SUPT3H: variants seen among roughly 807,000 people sequenced by gnomAD.
The protein encoded by SUPT3H is transcription initiation protein SPT3 homolog.
Under a neutral mutation model 44.3 loss-of-function variants are expected in SUPT3H, and 44 were observed. The ratio of observed to expected loss-of-function variants is 0.99; its 90% CI spans 0.78 to 1.28. The LOEUF (loss-of-function observed/expected upper bound fraction) is 1.28. SUPT3H is among the 50% of genes most tolerant of loss of function. SUPT3H has a pLI of 0.00. For missense variants in SUPT3H, 380 were observed against 387.1 expected (o/e 0.98, Z 0.15); for synonymous variants, 124 against 125.6 (o/e 0.99, Z 0.09).
chr6:45,208,723 CA>C (rs34279438), intron 2 of SUPT3H, among the ~76,000 whole-genome samples: 52,034 of 96,456 alleles, frequency 0.54, 11,018 homozygotes, highest in South Asian at 0.59. Context: ...GACTCTGTCT[CA>C]AAAAAAAAAA....
chr6:44,881,764 A>G (rs776634385), intron 10 of SUPT3H, among the ~76,000 whole-genome samples: 23 of 152,340 alleles, frequency 1.5e-4, no homozygotes, highest in Non-Finnish European at 2.9e-4. Context: ...TAGAAACTGA[A>G]CAACCTGCTC....
intron 2 of SUPT3H, among the ~76,000 whole-genome samples, chr6:45,352,561 A>G (rs569773591): frequency 2.0e-5 from 3 of 152,304 alleles, no homozygotes; most frequent in African/African-American, 7.2e-5. Flanking sequence ...AAACAAAATT[A>G]CAGATTGGGA....
intron 3 of SUPT3H, among the ~76,000 whole-genome samples, chr6:45,103,678 G>T (rs1295753979): frequency 6.6e-6 from 1 of 152,064 alleles, no homozygotes; most frequent in East Asian, 1.9e-4. Flanking sequence ...TAAAGGCCCT[G>T]AAAGTCTTGT....
At chr6:45,074,877 T>G (rs997335579) in intron 3 of SUPT3H, among the ~76,000 whole-genome samples, 1 of 152,060 alleles carries the variant, frequency 6.6e-6, no homozygotes, top group African/African-American at 2.4e-5. Context: ...TTAAGAAAGG[T>G]GTTAATATAA....
intron 2 of SUPT3H, among the ~76,000 whole-genome samples, chr6:45,175,720 A>C (rs1811662806): frequency 6.6e-6 from 1 of 151,748 alleles, no homozygotes; most frequent in Non-Finnish European, 1.5e-5. Flanking sequence ...ATTAAAAAAA[A>C]ATGGTAATTT....
chr6:45,325,790 CTG>C (rs1786249880), intron 2 of SUPT3H, among the ~76,000 whole-genome samples: 1 of 151,860 alleles, frequency 6.6e-6, no homozygotes, highest in Admixed American at 6.6e-5. Context: ...ATGAAACACA[CTG>C]TTATCAAATG....
chr6:45,029,640 T>C (rs962019123), intron 3 of SUPT3H, among the ~76,000 whole-genome samples: 13 of 152,144 alleles, frequency 8.5e-5, no homozygotes, highest in African/African-American at 3.1e-4. Context: ...CAACTCTAAA[T>C]ATATCTAAGT....
At chr6:44,861,395 G>GTT (rs201665366) in intron 10 of SUPT3H, among the ~76,000 whole-genome samples, 6 of 63,468 alleles carry the variant, frequency 9.5e-5, no homozygotes, top group South Asian at 5.5e-4. Flanking sequence ...TTTTCTTTTT[G>GTT]TTTTTTTTTG....
chr6:44,920,129 C>A (rs1461004923), intron 10 of SUPT3H, among the ~76,000 whole-genome samples: 2 of 152,158 alleles, frequency 1.3e-5, no homozygotes, highest in African/African-American at 2.4e-5. Flanking sequence ...CCACCCACCT[C>A]GGCCTCCCAA....
chr6:45,081,271 C>T (rs1486415701), intron 3 of SUPT3H, among the ~76,000 whole-genome samples: 2 of 151,994 alleles, frequency 1.3e-5, no homozygotes, highest in Non-Finnish European at 2.9e-5. Flanking sequence ...TCCAGAAATA[C>T]TGATATTTCT....
rs543575073 is a variant in SUPT3H, at chr6:45,153,556, T to C, written c.102-47550A>G. ...AAATTAAATGAAAAATGTGCATATT[T>C]GTGTTAACAAAGATAGGTCAAAAGA... On this transcript the variant is annotated intron_variant, in intron 2 of 10. Coordinates refer to ENST00000371459, the MANE Select transcript of SUPT3H (RefSeq NM_003599.4). 6.6e-5 allele frequency among the ~76,000 whole-genome samples: 10 copies of C among 152,242 alleles called. No individual in the cohort carries two copies. In the East Asian group the frequency reaches 1.9e-3, roughly 29 times the overall value.
At chr6:45,331,197 A>G (rs1278892242) in intron 2 of SUPT3H, among the ~76,000 whole-genome samples, 1 of 151,812 alleles carries the variant, frequency 6.6e-6, no homozygotes, top group Non-Finnish European at 1.5e-5. Flanking sequence ...CTTCACTTTG[A>G]GTTAATCAAA....
chr6:44,922,203 T>C (rs900929750), intron 10 of SUPT3H, among the ~76,000 whole-genome samples: 10 of 152,352 alleles, frequency 6.6e-5, no homozygotes, highest in Non-Finnish European at 1.3e-4. Context: ...GGGGATTTGG[T>C]TTAAATCAAA....
intron 3 of SUPT3H, among the ~76,000 whole-genome samples, chr6:45,105,230 A>C (rs1799107717): frequency 1.3e-5 from 2 of 152,064 alleles, no homozygotes; most frequent in Non-Finnish European, 1.5e-5. Flanking sequence ...TTAGATCCAT[A>C]TCTCACAAAA....
At chr6:44,971,525 C>G (rs957367608) in intron 6 of SUPT3H, among the ~76,000 whole-genome samples, 2 of 152,150 alleles carry the variant, frequency 1.3e-5, no homozygotes, top group East Asian at 1.9e-4. Flanking sequence ...ATAAAAACAT[C>G]AGATCTCCTG....
At chr6:44,811,608 G>A (rs562398166) in intron 11 of SUPT3H, among the ~76,000 whole-genome samples, 32 of 152,342 alleles carry the variant, frequency 2.1e-4, no homozygotes, top group African/African-American at 7.2e-4. Context: ...AGGTCTTGCA[G>A]GTACAGAGAA....
At chr6:45,161,712 T>C (rs1809008115) in intron 2 of SUPT3H, among the ~76,000 whole-genome samples, 1 of 152,182 alleles carries the variant, frequency 6.6e-6, no homozygotes, top group African/African-American at 2.4e-5. Context: ...GGTGCTTTAA[T>C]CACAACTGAC....
intron 3 of SUPT3H, among the ~76,000 whole-genome samples, chr6:45,048,997 C>T (rs1007091809): frequency 6.6e-6 from 1 of 152,062 alleles, no homozygotes; most frequent in Non-Finnish European, 1.5e-5. Context: ...TAGTTAATAA[C>T]AAATGTATTC....
intron 2 of SUPT3H, among the ~76,000 whole-genome samples, chr6:45,307,246 T>A (rs984286220): frequency 3.5e-4 from 54 of 152,322 alleles, no homozygotes; most frequent in Middle Eastern, 3.4e-3. Flanking sequence ...TAAACGTCCC[T>A]GTCTCACAGC....
Sources: allele counts gnomAD v4.1 joint callset (sites outside exome capture counted in the v4.1 genomes callset), GRCh38; gene constraint gnomAD v4.1.1; transcripts MANE v1.5; gene names NCBI Gene and HGNC (gene_info 2026-07-23, HGNC 2026-07-21).